MAGI3: variants seen among roughly 807,000 people sequenced by gnomAD.
MAGI3 encodes the protein membrane associated guanylate kinase, WW and PDZ domain containing 3.
Under a neutral mutation model 121.8 loss-of-function variants are expected in MAGI3, and 43 were observed. The observed-to-expected ratio is 0.35, with a 90% CI of 0.28 to 0.46. MAGI3 has a LOEUF of 0.46. Ranked by LOEUF, MAGI3 falls within the 20% of genes least tolerant of loss-of-function variation. The probability of loss-of-function intolerance (pLI) is 1.00; values close to 1 mark genes in which losing one functional copy is unlikely to be tolerated. For missense variants in MAGI3, 1,547 were observed against 1,797.3 expected, an observed-to-expected ratio of 0.86 and a Z score of 2.52; for synonymous variants, 553 against 639.3, an observed-to-expected ratio of 0.86 and a Z score of 2.04.
chr1:113,563,507 C>T (rs1231369471), intron 2 of MAGI3, among the ~76,000 whole-genome samples: 2 of 152,118 alleles, frequency 1.3e-5, no homozygotes, highest in Admixed American at 1.3e-4. Flanking sequence ...TTCAGCAGTA[C>T]CCTAGCAGTC....
At chr1:113,598,458 T>A (rs1012870390) in intron 6 of MAGI3, among the ~76,000 whole-genome samples, 1 of 152,140 alleles carries the variant, frequency 6.6e-6, no homozygotes, top group African/African-American at 2.4e-5. Context: ...TAAGGATTCC[T>A]ATAGACTCAA....
At chr1:113,604,507 TG>T (rs1421196431) in intron 6 of MAGI3, among the ~76,000 whole-genome samples, 1 of 122,594 alleles carries the variant, frequency 8.2e-6, no homozygotes, top group East Asian at 2.4e-4. Context: ...GCGGAGGTTG[TG>T]GTGAGCTGAG....
intron 9 of MAGI3, among the ~76,000 whole-genome samples, chr1:113,628,480 CTA>C (rs2101798599): frequency 6.6e-6 from 1 of 152,198 alleles, no homozygotes; most frequent in African/African-American, 2.4e-5. Flanking sequence ...GTTTAATATT[CTA>C]TGTTTTTCTG....
chr1:113,442,679 T>A (rs1446676891), intron 1 of MAGI3, among the ~76,000 whole-genome samples: 3 of 151,798 alleles, frequency 2.0e-5, no homozygotes, highest in Non-Finnish European at 2.9e-5. Context: ...TTATATATCA[T>A]ACATATATAT....
rs549096005 is a variant in MAGI3, at chr1:113,612,876, A to G, written c.1019-1725A>G. Among the ~76,000 whole-genome samples the G allele has an allele frequency of 8.8e-4, 134 of 152,290 alleles. 1 individual carries two copies. The highest frequency in any genetic ancestry group is 2.9e-3 in the African/African-American group (121 of 41,570). On this transcript the variant is annotated intron_variant, in intron 6 of 20. Coordinates refer to ENST00000307546, the MANE Select transcript of MAGI3 (RefSeq NM_001142782.2). ...CTTTTAGTGAATTTTTCAGATATCA[A>G]ATGGACTATTTCAGCTATTTCTATA...
chr1:113,448,387 G>C (rs1378536119), intron 1 of MAGI3, among the ~76,000 whole-genome samples: 1 of 152,208 alleles, frequency 6.6e-6, no homozygotes, highest in Non-Finnish European at 1.5e-5. Flanking sequence ...GGGAGTTGAA[G>C]TAACTGGGAA....
intron 1 of MAGI3, among the ~76,000 whole-genome samples, chr1:113,439,695 A>G (rs148341991): frequency 6.6e-6 from 1 of 152,314 alleles, no homozygotes; most frequent in African/African-American, 2.4e-5. Flanking sequence ...AGTGTCTCTT[A>G]TGTGCCAGGG....
chr1:113,488,119 C>T (rs570320871), intron 1 of MAGI3, among the ~76,000 whole-genome samples: 24 of 151,910 alleles, frequency 1.6e-4, no homozygotes, highest in African/African-American at 4.1e-4. Flanking sequence ...TTTAACTTAC[C>T]GTTATTAAAT....
chr1:113,432,494 G>A (rs1653349928), intron 1 of MAGI3, among the ~76,000 whole-genome samples: 1 of 151,898 alleles, frequency 6.6e-6, no homozygotes, highest in African/African-American at 2.4e-5. Context: ...AAGGGCATTT[G>A]TTTATGACCG....
chr1:113,520,246 CTTT>C (rs879719505), intron 1 of MAGI3, among the ~76,000 whole-genome samples: 2 of 144,300 alleles, frequency 1.4e-5, no homozygotes, highest in Admixed American at 1.4e-4. Context: ...TATATTGAGA[CTTT>C]TTTTTTTTAG....
intron 11 of MAGI3, among the ~76,000 whole-genome samples, chr1:113,646,196 A>T (rs1652823407): frequency 6.6e-6 from 1 of 152,128 alleles, no homozygotes; most frequent in African/African-American, 2.4e-5. Context: ...CTCAAAGTCA[A>T]TTTGTGTCTT....
rs543199080 is a variant in MAGI3 at position 113,684,018 on chromosome 1, T to G, written c.*4T>G. The G allele has an allele frequency of 1.1e-5, 17 of 1,540,662 alleles. No homozygotes were observed. Among genetic ancestry groups the G allele is most frequent in the South Asian group, 3.8e-5 (3 of 79,154 alleles). Reference sequence around the variant, plus strand: ...TATGGCTGAGAAACGGCAGTAACCTTTAGTATAAAACAAAGAAAAACAAGT... The same window carrying G: ...TATGGCTGAGAAACGGCAGTAACCTGTAGTATAAAACAAAGAAAAACAAGT... On this transcript the variant is annotated 3_prime_UTR_variant, in exon 21 of 21. Coordinates refer to ENST00000307546, the MANE Select transcript of MAGI3 (RefSeq NM_001142782.2).
At chr1:113,584,224 G>A in intron 3 of MAGI3, among the ~76,000 whole-genome samples, 1 of 152,032 alleles carries the variant, frequency 6.6e-6, no homozygotes, top group East Asian at 1.9e-4. Context: ...TCTAACGTTA[G>A]CATAATGATT....
chr1:113,546,080 A>G (rs149105042), intron 1 of MAGI3, among the ~76,000 whole-genome samples: 35 of 152,326 alleles, frequency 2.3e-4, no homozygotes, highest in African/African-American at 7.9e-4. Context: ...AAAAAATACA[A>G]ATTCCCTGGA....
intron 1 of MAGI3, among the ~76,000 whole-genome samples, chr1:113,421,711 A>G (rs1652741887): frequency 6.6e-6 from 1 of 152,222 alleles, no homozygotes; most frequent in Admixed American, 6.5e-5. Context: ...CTTTTGTTTT[A>G]TCTACAGCCA....
intron 1 of MAGI3, among the ~76,000 whole-genome samples, chr1:113,520,270 G>GT (rs919145297): frequency 1.3e-5 from 2 of 150,712 alleles, no homozygotes; most frequent in African/African-American, 4.9e-5. Context: ...TTCTTCCTGT[G>GT]TAAGTTCCAT....
chr1:113,599,750 T>C (rs1408873353), intron 6 of MAGI3, among the ~76,000 whole-genome samples: 2 of 151,366 alleles, frequency 1.3e-5, no homozygotes, highest in South Asian at 2.1e-4. Context: ...ATACCAAAGC[T>C]GGGCAGAGAC....
chr1:113,489,734 T>TGG (rs1358410938), intron 1 of MAGI3, among the ~76,000 whole-genome samples: 1 of 151,870 alleles, frequency 6.6e-6, no homozygotes, highest in Non-Finnish European at 1.5e-5. Context: ...ACTACAAGAA[T>TGG]TTCATAATGC....
chr1:113,685,365 A>ATGGAG lies in MAGI3; in HGVS notation c.*1354_*1358dup, dbSNP rs1265734365. ...CACCTTCTGAGAATAAAACTATTTT[A>ATGGAG]TGGAGTGTGTGAACACACTTGTTCT... On this transcript the variant is annotated 3_prime_UTR_variant, in exon 21 of 21. Transcript: ENST00000307546. 1 of 152,368 alleles carries ATGGAG rather than the reference A, an allele frequency of 6.6e-6. No homozygotes were observed. The highest frequency in any genetic ancestry group is 2.4e-5 in the African/African-American group (1 of 41,464). 9.4% of individuals were successfully genotyped at this position (152,368 alleles called of 1,614,324 possible).
Sources: allele counts gnomAD v4.1 joint callset (sites outside exome capture counted in the v4.1 genomes callset), GRCh38; gene constraint gnomAD v4.1.1; transcripts MANE v1.5; gene names NCBI Gene and HGNC (gene_info 2026-07-23, HGNC 2026-07-21).